PRKAA1: variants seen among roughly 807,000 people sequenced by gnomAD.
PRKAA1 encodes the protein 5'-AMP-activated protein kinase catalytic subunit alpha-1.
PRKAA1 carries 23 observed loss-of-function variants against 56.9 expected under a neutral mutation model. The ratio of observed to expected loss-of-function variants is 0.40; its 90% confidence interval spans 0.29 to 0.57. PRKAA1 has a LOEUF of 0.57. PRKAA1 is among the 20% of genes least tolerant of loss of function. PRKAA1 has a pLI of 0.39. For missense variants in PRKAA1, 413 were observed against 679.7 expected (o/e 0.61, Z 4.36); for synonymous variants, 226 against 227.0 (o/e 1.00, Z 0.04).
chr5:40,791,554 CAG>C (rs1468244736), intron 1 of PRKAA1, among the ~76,000 whole-genome samples: 1 of 152,158 alleles, frequency 6.6e-6, no homozygotes, highest in Non-Finnish European at 1.5e-5. Flanking sequence ...TACTTTGAAA[CAG>C]AGGATTTTAA....
rs1267687839 is a variant in PRKAA1, at chr5:40,798,213, G to A, written c.-24C>T. Reference sequence around the variant, plus strand: ...ATGGCGCTGCGGGAGGGGGCGGAGGGGGCGGGCAGGGCCGCGCCGGGGGCG... The same window carrying A: ...ATGGCGCTGCGGGAGGGGGCGGAGGAGGCGGGCAGGGCCGCGCCGGGGGCG... On this transcript the variant is annotated 5_prime_UTR_variant, in exon 1 of 9. Transcript: ENST00000397128. The A allele has an allele frequency of 8.0e-6, 5 of 621,370 alleles. No homozygotes were observed. Among genetic ancestry groups the A allele is most frequent in the Non-Finnish European group, 1.0e-5 (4 of 382,016 alleles). 38.5% of individuals were successfully genotyped at this position (621,370 alleles called of 1,614,324 possible).
intron 1 of PRKAA1, among the ~76,000 whole-genome samples, chr5:40,785,878 A>AGAGAGAGAGAGGGAGAGAGAGC (rs1454892834): frequency 2.7e-5 from 4 of 149,040 alleles, no homozygotes; most frequent in African/African-American, 9.9e-5. Context: ...AGAGAGAGAG[A>AGAGAGAGAGAGGGAGAGAGAGC]GCAAGCGAGC....
chr5:40,793,144 C>G (rs1228993224), intron 1 of PRKAA1, among the ~76,000 whole-genome samples: 1 of 151,954 alleles, frequency 6.6e-6, no homozygotes, highest in African/African-American at 2.4e-5. Flanking sequence ...ACTCATTTGC[C>G]GAAGATACAC....
chr5:40,798,031 T>G (rs1486168648), intron 1 of PRKAA1, 32 bp downstream of exon 1: 6 of 1,600,454 alleles, frequency 3.7e-6, no homozygotes, highest in Non-Finnish European at 5.1e-6. Context: ...GCTCCTCAGC[T>G]GGGGCCAAGC....
At chr5:40,787,122 T>C (rs887426072) in intron 1 of PRKAA1, among the ~76,000 whole-genome samples, 4 of 151,950 alleles carry the variant, frequency 2.6e-5, no homozygotes, top group African/African-American at 9.7e-5. Flanking sequence ...TGGTGGTAAG[T>C]AAATGAATTA....
Position 40,759,409 on chromosome 5 carries a change from TATATC to T in PRKAA1, c.*3364_*3368del, listed in dbSNP as rs373859829. ...GATGATAAATGGAGTTTTTCTTTAT[TATATC>T]ATATTTCTAAATCAAGGAAGCTGAA... On this transcript the variant is annotated 3_prime_UTR_variant, in exon 9 of 9. Coordinates refer to ENST00000397128, the MANE Select transcript of PRKAA1 (RefSeq NM_006251.6). 33 of 152,426 alleles carry T rather than the reference TATATC, an allele frequency of 2.2e-4. No individual in the cohort carries two copies. The highest frequency in any genetic ancestry group is 7.5e-4 in the African/African-American group (31 of 41,570). 9.4% of individuals were successfully genotyped at this position (152,426 alleles called of 1,614,324 possible). A position where few individuals can be genotyped will look rare whatever the true frequency, so the allele number is the denominator to read the frequency against.
At chr5:40,794,137 C>G (rs1220720202) in intron 1 of PRKAA1, among the ~76,000 whole-genome samples, 2 of 151,734 alleles carry the variant, frequency 1.3e-5, no homozygotes, top group African/African-American at 2.4e-5. Context: ...TCACCACATG[C>G]ACACTAAAAT....
At chr5:40,779,978 A>G (rs1478631562) in intron 1 of PRKAA1, among the ~76,000 whole-genome samples, 1 of 152,216 alleles carries the variant, frequency 6.6e-6, no homozygotes, top group Non-Finnish European at 1.5e-5. Flanking sequence ...TGATGCAAAG[A>G]TAAAATACAT....
chr5:40,793,877 G>C (rs1238547067), intron 1 of PRKAA1, among the ~76,000 whole-genome samples: 1 of 152,032 alleles, frequency 6.6e-6, no homozygotes, highest in Non-Finnish European at 1.5e-5. Flanking sequence ...GAGGCGGGTG[G>C]GATCACCTGA....
At chr5:40,776,734 A>G (rs765649597) in intron 2 of PRKAA1, among the ~76,000 whole-genome samples, 5 of 152,214 alleles carry the variant, frequency 3.3e-5, no homozygotes, top group Admixed American at 6.5e-5. Context: ...TTTGTTATCT[A>G]TATGTTCAGG....
In PRKAA1 at chr5:40,762,436, A is replaced by C. The variant is rs943836294; in HGVS notation, c.*342T>G. The C allele has an allele frequency of 4.8e-6, 1 of 208,888 alleles. No homozygotes were observed. The highest frequency in any genetic ancestry group is 9.8e-6 in the Non-Finnish European group (1 of 101,772). The allele number at this position is 208,888 out of a possible 1,614,324, so 12.9% of individuals were successfully genotyped here. A position where few individuals can be genotyped will look rare whatever the true frequency, so the allele number is the denominator to read the frequency against. On this transcript the variant is annotated 3_prime_UTR_variant, in exon 9 of 9. Transcript: ENST00000397128. ...TGAATAAATTTATAACACGTAATAT[A>C]TAACACGTAATAATATATGAAGGCC...
intron 3 of PRKAA1, 96 bp from the exon 4 acceptor site, chr5:40,771,959 A>G: frequency 7.0e-7 from 1 of 1,421,714 alleles, no homozygotes; most frequent in Non-Finnish European, 9.6e-7. Context: ...AAAATACATG[A>G]AAATCTTCCC....
At position 40,797,958 on chromosome 5, in the gene PRKAA1, C is replaced by A. The variant is rs1161911917; in HGVS notation, c.127+105G>T. The A allele has an allele frequency of 2.6e-6, 4 of 1,523,202 alleles. No individual in the cohort carries two copies. The Admixed American group carries it at 7.3e-5, about 28-fold the overall frequency. 94.4% of individuals were successfully genotyped at this position (1,523,202 alleles called of 1,614,324 possible). ...GATCCGGGACAGGGGCTGCCCAGCCCTGGAAAGAAGGGACGCAGCGGGCGG... is the reference window on the plus strand; with the variant it reads ...GATCCGGGACAGGGGCTGCCCAGCCATGGAAAGAAGGGACGCAGCGGGCGG... On this transcript the variant is annotated intron_variant, in intron 1 of 8. Transcript: ENST00000397128.
At chr5:40,769,126 A>G (rs2112001252) in intron 5 of PRKAA1, among the ~76,000 whole-genome samples, 1 of 152,254 alleles carries the variant, frequency 6.6e-6, no homozygotes, top group East Asian at 1.9e-4. Flanking sequence ...TAACTACTAG[A>G]TATTTCTGTA....
Position 40,767,674 on chromosome 5 carries a change from C to G in PRKAA1, c.613G>C (p.Glu205Gln). ...ACCCCACTGCTCCATATATCTACCT[C>G]TGGGCCTGCATACAATCTGTAACAG... ...VISGRLYAGP[E>Q]VDIWSSGVIL... Residue 205 changes from glutamate to glutamine, a missense_variant, in exon 6 of 9, where the codon GAG (glutamate) becomes CAG (glutamine). Glu to Gln is a conservative substitution (Grantham distance 29). Around this residue, in one of 9 missense-constraint regions of PRKAA1, gnomAD observed 113 missense variants for 198.6 expected, o/e 0.57. Coordinates refer to ENST00000397128, the MANE Select transcript of PRKAA1 (RefSeq NM_006251.6). The G allele has an allele frequency of 6.2e-7, 1 of 1,610,050 alleles. No homozygotes were observed.
intron 1 of PRKAA1, among the ~76,000 whole-genome samples, chr5:40,788,084 A>G (rs1744569791): frequency 6.6e-6 from 1 of 152,240 alleles, no homozygotes; most frequent in East Asian, 1.9e-4. Context: ...TCCAAAGAGA[A>G]CAAAGCTGGA....
Position 40,767,576 on chromosome 5 carries a change from T to C in PRKAA1, c.711A>G (p.Ile237Met). 1.9e-6 allele frequency: 3 copies of C among 1,612,744 alleles called. No homozygotes were observed. Among genetic ancestry groups the C allele is most frequent in the Non-Finnish European group, 2.5e-6 (3 of 1,178,806 alleles). ...GAGGGGTATAGAAGATCCCATCACA[T>C]ATCTTCTTAAAAAGAGTTGGCACAT... Reference protein sequence around the residue: ...DDHVPTLFKKICDGIFYTPQY... With the variant: ...DDHVPTLFKKMCDGIFYTPQY... The change falls in exon 6 of 9, where the codon ATA becomes ATG. Residue 237 changes from isoleucine (I) to methionine (M), a missense_variant. Around this residue, in one of 9 missense-constraint regions of PRKAA1, gnomAD observed 113 missense variants for 198.6 expected, o/e 0.57. Transcript: ENST00000397128.
At chr5:40,790,688 T>C (rs748880125) in intron 1 of PRKAA1, among the ~76,000 whole-genome samples, 10 of 152,046 alleles carry the variant, frequency 6.6e-5, no homozygotes, top group Non-Finnish European at 1.0e-4. Context: ...AACAGGCGCA[T>C]GCCACCACAC....
chr5:40,796,060 TA>T (rs1744914622), intron 1 of PRKAA1, among the ~76,000 whole-genome samples: 1 of 152,198 alleles, frequency 6.6e-6, no homozygotes, highest in Non-Finnish European at 1.5e-5. Context: ...CTCACGCCTG[TA>T]ATCCCAGCAC....
Sources: gnomAD v4.1 joint callset for allele counts (sites outside exome capture counted in the v4.1 genomes callset) on GRCh38, gnomAD v4.1.1 for gene constraint, gnomAD v4.1.1 regional missense constraint, MANE v1.5 for transcripts, NCBI Gene and HGNC (gene_info 2026-07-23, HGNC 2026-07-21) for gene names.